Variants in SFI1 observed in about 807,000 individuals in gnomAD.
SFI1 encodes SFI1 centrin binding protein.
Under a neutral mutation model 207.5 loss-of-function variants are expected in SFI1, and 195 were observed. The observed-to-expected ratio is 0.94, with a 90% confidence interval of 0.84 to 1.06. SFI1 has a LOEUF of 1.06. Ranked by LOEUF, SFI1 falls within the 50% of genes least tolerant of loss-of-function variation. The pLI, the probability that SFI1 is intolerant of heterozygous loss-of-function variation, is 0.00. For missense variants in SFI1, 1,634 were observed against 1,588.0 expected (o/e 1.03, Z -0.49); for synonymous variants, 630 against 598.9 (o/e 1.05, Z -0.76).
At chr22:31,496,868 C>A (rs1031508720) in intron 1 of SFI1, among the ~76,000 whole-genome samples, 11 of 152,186 alleles carry the variant, frequency 7.2e-5, no homozygotes, top group Admixed American at 2.6e-4. Context: ...CCATCCTCTC[C>A]CGCCGCGTCT....
At chr22:31,611,443 G>A (rs904319054) in intron 23 of SFI1, 140 bp downstream of exon 23, 4 of 1,137,734 alleles carry the variant, frequency 3.5e-6, no homozygotes, top group Non-Finnish European at 4.8e-6. Context: ...TTGGGGTCCT[G>A]TAAGACAAAG....
chr22:31,596,484 T>C (rs1014366084), intron 15 of SFI1, among the ~76,000 whole-genome samples: 14 of 151,990 alleles, frequency 9.2e-5, no homozygotes, highest in Admixed American at 3.9e-4. Context: ...TGGGCTGGTA[T>C]AAGATTCATT....
intron 3 of SFI1, 84 bp downstream of exon 3, chr22:31,528,947 C>G: frequency 7.4e-7 from 1 of 1,355,042 alleles, no homozygotes; most frequent in Non-Finnish European, 1.0e-6. Flanking sequence ...GATTCTTATT[C>G]TTCCACCGCA....
At chr22:31,608,372 C>T (rs925909020) in intron 22 of SFI1, among the ~76,000 whole-genome samples, 1 of 152,142 alleles carries the variant, frequency 6.6e-6, no homozygotes, top group Non-Finnish European at 1.5e-5. Flanking sequence ...CTTGACATAT[C>T]GTTCCCTTCC....
At chr22:31,610,421 A>T (rs1202144400) in intron 22 of SFI1, among the ~76,000 whole-genome samples, 1 of 152,160 alleles carries the variant, frequency 6.6e-6, no homozygotes, top group African/African-American at 2.4e-5. Context: ...TGCAGCACTA[A>T]TGTGGGTGCC....
At chr22:31,584,957 A>G (rs1315789333) in intron 13 of SFI1, 111 bp from the exon 14 acceptor site, 2 of 694,996 alleles carry the variant, frequency 2.9e-6, no homozygotes, top group Non-Finnish European at 4.8e-6. Context: ...TGAAACTAGT[A>G]AGCCCATGGG....
chr22:31,533,455 G>C (rs1008123749), intron 4 of SFI1, among the ~76,000 whole-genome samples: 1 of 152,088 alleles, frequency 6.6e-6, no homozygotes, highest in Non-Finnish European at 1.5e-5. Flanking sequence ...GTTTGAACCC[G>C]GGAGGCCGAG....
At chr22:31,610,200 A>T (rs1344238703) in intron 22 of SFI1, among the ~76,000 whole-genome samples, 3 of 152,204 alleles carry the variant, frequency 2.0e-5, no homozygotes, top group Non-Finnish European at 4.4e-5. Context: ...GGAGGATGTC[A>T]CAAGACCCAT....
Position 31,573,093 on chromosome 22 carries a change from C to T in SFI1, c.801C>T (p.Val267=), listed in dbSNP as rs1390754938. ...AGTGGCGGGAACAGCTCCTGTATGTCCAGAAGGAGAAACAAAAGGTTGTCT... is the reference window on the plus strand; with the variant it reads ...AGTGGCGGGAACAGCTCCTGTATGTTCAGAAGGAGAAACAAAAGGTTGTCT... ...WSQWREQLLY[V]QKEKQKVVSA... Residue 267 remains valine, a synonymous_variant, in exon 9 of 33, where the codon GTC becomes GTT. Transcript: ENST00000400288. The T allele has an allele frequency of 1.2e-6, 2 of 1,612,704 alleles. No individual in the cohort carries two copies. The highest frequency in any genetic ancestry group is 1.7e-6 in the Non-Finnish European group (2 of 1,179,676).
chr22:31,536,325 G>A (rs1246370561), intron 4 of SFI1, among the ~76,000 whole-genome samples: 2 of 152,170 alleles, frequency 1.3e-5, no homozygotes, highest in East Asian at 1.9e-4. Context: ...GGGTTCTCCT[G>A]TTGTTAGGTT....
chr22:31,528,953 C>T (rs2058203286), intron 3 of SFI1, 90 bp downstream of exon 3: 4 of 1,310,612 alleles, frequency 3.1e-6, no homozygotes, highest in Admixed American at 2.1e-5. Flanking sequence ...TATTCTTCCA[C>T]CGCAATTAGT....
Position 31,603,736 on chromosome 22 carries a change from C to T in SFI1, c.1806-8C>T, listed in dbSNP as rs201808909. The T allele has an allele frequency of 1.3e-6, 2 of 1,532,058 alleles. No individual in the cohort carries two copies. The highest frequency in any genetic ancestry group is 1.5e-5 in the African/African-American group (1 of 68,912). The allele number at this position is 1,532,058 out of a possible 1,614,324, so 94.9% of individuals were successfully genotyped here. A position where few individuals can be genotyped will look rare whatever the true frequency, so the allele number is the denominator to read the frequency against. ...GCTGCAGCACTGAGCTCTGCCATCT[C>T]CCCACAGGAGGACGGGCAGGGTGCG... On this transcript the variant is annotated splice_region_variant and splice_polypyrimidine_tract_variant and intron_variant, in intron 17 of 32. Transcript: ENST00000400288.
intron 6 of SFI1, among the ~76,000 whole-genome samples, chr22:31,552,628 G>A (rs182743549): frequency 6.6e-6 from 1 of 152,280 alleles, no homozygotes; most frequent in African/African-American, 2.4e-5. Context: ...TAGTGCTGCA[G>A]TGAACATATG....
intron 2 of SFI1, among the ~76,000 whole-genome samples, chr22:31,519,273 A>ATT (rs201811890): frequency 4.5e-5 from 6 of 132,228 alleles, no homozygotes; most frequent in East Asian, 2.1e-4. Flanking sequence ...TTTATTTTCC[A>ATT]TTTTTTTTTT....
chr22:31,580,197 G>C, intron 11 of SFI1, 75 bp from the exon 12 acceptor site: 1 of 1,146,994 alleles, frequency 8.7e-7, no homozygotes. Context: ...GGCACTGTTT[G>C]CCTTCCTCTA....
In SFI1 at chr22:31,618,098, G is replaced by A. The variant is rs1457914140; in HGVS notation, c.3513-17G>A. The A allele has an allele frequency of 1.1e-5, 17 of 1,556,778 alleles. No homozygotes were observed. Among genetic ancestry groups the A allele is most frequent in the African/African-American group, 2.7e-5 (2 of 73,906 alleles). ...AAGGACCCAGCCTGGCAGGCAGTGGGTATCTCCACCCCTCAGGTCCTGTCG... is the reference window on the plus strand; with the variant it reads ...AAGGACCCAGCCTGGCAGGCAGTGGATATCTCCACCCCTCAGGTCCTGTCG... On this transcript the variant is annotated splice_polypyrimidine_tract_variant and intron_variant, in intron 31 of 32. Coordinates refer to ENST00000400288, the MANE Select transcript of SFI1 (RefSeq NM_001007467.3).
Position 31,575,268 on chromosome 22 carries a change from G to T in SFI1, c.960G>T (p.Gln320His). ...AERFHHVTVL[Q>H]IYFCDWQQAW... is the part of the protein sequence containing the mutation. ...GATTCCATCATGTCACTGTGCTCCA[G>T]ATATACTTCTGTGACTGGCAGCAGG... The change falls in exon 10 of 33, where the codon CAG becomes CAT. Residue 320 changes from glutamine to histidine, a missense_variant. By Grantham distance (24) the Gln-to-His change is conservative. Coordinates refer to ENST00000400288, the MANE Select transcript of SFI1 (RefSeq NM_001007467.3). 3.1e-6 allele frequency: 5 copies of T among 1,612,796 alleles called. No individual in the cohort carries two copies. The highest frequency in any genetic ancestry group is 4.2e-6 in the Non-Finnish European group (5 of 1,179,530).
chr22:31,544,858 T>A (rs778160850), intron 4 of SFI1, among the ~76,000 whole-genome samples: 4 of 152,220 alleles, frequency 2.6e-5, no homozygotes, highest in Non-Finnish European at 4.4e-5. Context: ...TCTGAGATTC[T>A]GACCTGAAAA....
intron 8 of SFI1, among the ~76,000 whole-genome samples, chr22:31,567,742 A>AT (rs1461098833): frequency 2.6e-5 from 4 of 152,222 alleles, no homozygotes; most frequent in Admixed American, 2.0e-4. Flanking sequence ...AACTATGCAT[A>AT]TATTTTATAT....
Sources: allele counts gnomAD v4.1 joint callset (sites outside exome capture counted in the v4.1 genomes callset), GRCh38; gene constraint gnomAD v4.1.1; transcripts MANE v1.5; gene names NCBI Gene and HGNC (gene_info 2026-07-23, HGNC 2026-07-21).